Variants in TDRD3 observed in about 807,000 individuals in gnomAD.
The protein encoded by TDRD3 is tudor domain containing 3, also known as tudor domain-containing protein 3.
A neutral mutation model predicts 86.7 loss-of-function variants in TDRD3; 45 were observed. The observed-to-expected ratio is 0.52, with a 90% confidence interval of 0.41 to 0.67. The LOEUF (loss-of-function observed/expected upper bound fraction) is 0.67, where lower values mean the gene tolerates loss of function less well. TDRD3 is among the 30% of genes least tolerant of loss of function. TDRD3 has a pLI of 0.00. For synonymous variants in TDRD3, 298 were observed against 301.7 expected, an observed-to-expected ratio of 0.99 and a Z score of 0.13; for missense variants, 814 against 889.0, an observed-to-expected ratio of 0.92 and a Z score of 1.07.
At chr13:60,501,776 G>C (rs537450444) in intron 8 of TDRD3, among the ~76,000 whole-genome samples, 1 of 152,216 alleles carries the variant, frequency 6.6e-6, no homozygotes, top group African/African-American at 2.4e-5. Flanking sequence ...TACTATACAA[G>C]ATCCTTTCTT....
At chr13:60,485,292 A>G (rs1441066782) in intron 6 of TDRD3, among the ~76,000 whole-genome samples, 2 of 151,978 alleles carry the variant, frequency 1.3e-5, no homozygotes, top group Admixed American at 1.3e-4. Flanking sequence ...TGAGACAAAA[A>G]TATAAAAACT....
intron 3 of TDRD3, among the ~76,000 whole-genome samples, chr13:60,454,962 G>T (rs1955631827): frequency 6.6e-6 from 1 of 152,112 alleles, no homozygotes; most frequent in African/African-American, 2.4e-5. Context: ...TGCCCAGGCT[G>T]GAGTGCAGTG....
chr13:60,451,991 C>A (rs997285748), intron 3 of TDRD3, among the ~76,000 whole-genome samples: 2 of 152,122 alleles, frequency 1.3e-5, no homozygotes, highest in Non-Finnish European at 2.9e-5. Flanking sequence ...TGGTAAAATG[C>A]TTCTCTGAAG....
At chr13:60,463,088 A>G (rs1029877644) in intron 4 of TDRD3, among the ~76,000 whole-genome samples, 1 of 152,184 alleles carries the variant, frequency 6.6e-6, no homozygotes, top group African/African-American at 2.4e-5. Context: ...CCCGTCTCTC[A>G]CCATATACAA....
intron 11 of TDRD3, among the ~76,000 whole-genome samples, chr13:60,533,115 G>T (rs771138959): frequency 1.3e-5 from 2 of 152,124 alleles, no homozygotes; most frequent in Admixed American, 6.5e-5. Flanking sequence ...GGGAGAGATA[G>T]GAAGGTATAA....
chr13:60,428,649 G>A (rs977181718), intron 1 of TDRD3, among the ~76,000 whole-genome samples: 5 of 152,132 alleles, frequency 3.3e-5, no homozygotes, highest in African/African-American at 1.2e-4. Flanking sequence ...GATTTTTAGG[G>A]GAATTCAATG....
intron 5 of TDRD3, among the ~76,000 whole-genome samples, chr13:60,478,848 G>A (rs1212554821): frequency 1.4e-5 from 2 of 144,196 alleles, no homozygotes; most frequent in African/African-American, 5.2e-5. Flanking sequence ...GTGTCATCCA[G>A]GCCAGAGTGC....
At chr13:60,431,588 C>T (rs189778518) in intron 1 of TDRD3, among the ~76,000 whole-genome samples, 1 of 149,218 alleles carries the variant, frequency 6.7e-6, no homozygotes, top group East Asian at 2.0e-4. Flanking sequence ...TGTTTTGCAT[C>T]ATCAGAAGTT....
chr13:60,425,033 A>G (rs1954766797), intron 1 of TDRD3, among the ~76,000 whole-genome samples: 3 of 152,220 alleles, frequency 2.0e-5, no homozygotes, highest in African/African-American at 7.2e-5. Flanking sequence ...ATATTCATTT[A>G]TCGGATGAAC....
chr13:60,419,252 G>A (rs1358544337), intron 1 of TDRD3, among the ~76,000 whole-genome samples: 1 of 152,178 alleles, frequency 6.6e-6, no homozygotes, highest in East Asian at 1.9e-4. Context: ...TTCATCTGGT[G>A]TGAAATGGTA....
intron 5 of TDRD3, among the ~76,000 whole-genome samples, chr13:60,473,809 G>A (rs923526610): frequency 6.6e-6 from 1 of 152,168 alleles, no homozygotes; most frequent in African/African-American, 2.4e-5. Flanking sequence ...GGCTCCCTGG[G>A]CTAGCAGTAA....
intron 11 of TDRD3, among the ~76,000 whole-genome samples, chr13:60,533,088 A>G (rs928342470): frequency 3.3e-5 from 5 of 152,196 alleles, no homozygotes; most frequent in Non-Finnish European, 7.4e-5. Context: ...GTGTGGGGCT[A>G]AGAAATAAAG....
chr13:60,475,300 A>C (rs1263557576), intron 5 of TDRD3, among the ~76,000 whole-genome samples: 2 of 151,748 alleles, frequency 1.3e-5, no homozygotes, highest in African/African-American at 4.8e-5. Flanking sequence ...GTCCATGTGT[A>C]CTCAGTGTTT....
At chr13:60,479,464 A>G (rs1956266638) in intron 5 of TDRD3, among the ~76,000 whole-genome samples, 2 of 152,168 alleles carry the variant, frequency 1.3e-5, no homozygotes, top group Admixed American at 6.5e-5. Context: ...AGAAGAATGT[A>G]TATTCTGTGG....
At chr13:60,564,898 A>T (rs910704445) in intron 12 of TDRD3, among the ~76,000 whole-genome samples, 1 of 152,174 alleles carries the variant, frequency 6.6e-6, no homozygotes, top group Non-Finnish European at 1.5e-5. Flanking sequence ...TGTGCTAAAA[A>T]TTACTAGCCA....
At chr13:60,536,011 T>G (rs1003484626) in intron 12 of TDRD3, 10 of 152,122 alleles carry the variant, frequency 6.6e-5, no homozygotes, top group Admixed American at 5.2e-4. Context: ...TCAACAAATA[T>G]GTTGGTATTT....
At chr13:60,478,200 G>C (rs974639829) in intron 5 of TDRD3, among the ~76,000 whole-genome samples, 4 of 150,728 alleles carry the variant, frequency 2.7e-5, no homozygotes, top group African/African-American at 9.8e-5. Flanking sequence ...TTGTATTTCT[G>C]TGGGATTGGT....
chr13:60,517,345 G>A (rs1402425746), intron 10 of TDRD3, among the ~76,000 whole-genome samples: 1 of 152,156 alleles, frequency 6.6e-6, no homozygotes, highest in Non-Finnish European at 1.5e-5. Context: ...AGACAAGAGA[G>A]AATGTGTATA....
Position 60,525,237 on chromosome 13 carries a change from A to C in TDRD3, c.1142-3130A>C, listed in dbSNP as rs1417964145. 2.3e-5 allele frequency among the ~76,000 whole-genome samples: 3 copies of C among 128,498 alleles called. No individual in the cohort carries two copies. In the Admixed American group the frequency reaches 2.7e-4, roughly 12 times the overall value. 84.3% of individuals were successfully genotyped at this position (128,498 alleles called of 152,430 possible). On this transcript the variant is annotated intron_variant, in intron 10 of 13. Transcript: ENST00000377881. ...CGCCCAGGCTGGAGTTCAGTGGCAC[A>C]ATCTTGGCTCACTGCATCTTCCACC...
Sources: allele counts gnomAD v4.1 joint callset (sites outside exome capture counted in the v4.1 genomes callset), GRCh38; gene constraint gnomAD v4.1.1; transcripts MANE v1.5; gene names NCBI Gene and HGNC (gene_info 2026-07-23, HGNC 2026-07-21).